The following TMEM131L variants were observed in gnomAD, a reference collection of about 807,000 sequenced individuals.
The protein encoded by TMEM131L is transmembrane 131 like.
Under a neutral mutation model 192.2 loss-of-function variants are expected in TMEM131L, and 54 were observed. The ratio of observed to expected loss-of-function variants is 0.28; its 90% CI spans 0.23 to 0.35. TMEM131L has a LOEUF of 0.35. Ranked by LOEUF, TMEM131L falls within the 10% of genes least tolerant of loss-of-function variation. The probability of loss-of-function intolerance (pLI) is 1.00; values close to 1 mark genes in which losing one functional copy is unlikely to be tolerated. For synonymous variants in TMEM131L, 701 were observed against 704.9 expected, an observed-to-expected ratio of 0.99 and a Z score of 0.09; for missense variants, 1,888 against 1,972.9, an observed-to-expected ratio of 0.96 and a Z score of 0.82.
chr4:153,485,278 C>G (rs1732249243), intron 3 of TMEM131L, among the ~76,000 whole-genome samples: 1 of 152,110 alleles, frequency 6.6e-6, no homozygotes, highest in Non-Finnish European at 1.5e-5. Context: ...CTCTAACATA[C>G]ATGTACACAT....
At chr4:153,543,810 A>G (rs1188430300) in intron 3 of TMEM131L, among the ~76,000 whole-genome samples, 2 of 152,222 alleles carry the variant, frequency 1.3e-5, no homozygotes, top group Non-Finnish European at 2.9e-5. Context: ...GATTTCTGCC[A>G]TTATGGAGTC....
rs185795762 is a variant in TMEM131L, at chr4:153,500,774, A to G, written c.239+26886A>G. On this transcript the variant is annotated intron_variant, in intron 3 of 34. Transcript: ENST00000409959. The stretch of plus-strand genomic sequence containing the variant: ...GGATGATTTAGAACTATCTTAGCCT[A>G]TTGAGACCAAAGAAACACACACGCT... Among the ~76,000 whole-genome samples, 136 of 152,310 alleles carry G rather than the reference A, an allele frequency of 8.9e-4. 1 individual carries two copies. In the Middle Eastern group the frequency reaches 0.01, roughly 12 times the overall value.
intron 3 of TMEM131L, among the ~76,000 whole-genome samples, chr4:153,484,114 G>C (rs1732139221): frequency 1.3e-5 from 2 of 152,146 alleles, no homozygotes; most frequent in Admixed American, 1.3e-4. Flanking sequence ...GGGGTCTCCT[G>C]GGAGCTTGTT....
chr4:153,581,381 T>C (rs752034549), intron 8 of TMEM131L, 26 bp from the exon 9 acceptor site: 26 of 1,489,654 alleles, frequency 1.7e-5, no homozygotes, highest in Non-Finnish European at 2.2e-5. Context: ...TTTTTTTTCC[T>C]TTTTTCCTCC....
intron 21 of TMEM131L, among the ~76,000 whole-genome samples, chr4:153,600,844 C>T (rs1485589788): frequency 6.6e-6 from 1 of 152,228 alleles, no homozygotes; most frequent in African/African-American, 2.4e-5. Flanking sequence ...GGCATGGTGG[C>T]TTATGCCTAT....
intron 3 of TMEM131L, among the ~76,000 whole-genome samples, chr4:153,501,189 A>G (rs1733578802): frequency 2.0e-5 from 3 of 150,278 alleles, no homozygotes; most frequent in Admixed American, 1.3e-4. Flanking sequence ...CCCACCTCAC[A>G]GGGGTTTTGC....
chr4:153,599,218 T>C (rs1273685999), intron 21 of TMEM131L, among the ~76,000 whole-genome samples: 1 of 152,096 alleles, frequency 6.6e-6, no homozygotes, highest in African/African-American at 2.4e-5. Context: ...GGGGAGAAGG[T>C]GTCACACACT....
Position 153,593,779 on chromosome 4 carries a change from A to G in TMEM131L, c.1923-20A>G, listed in dbSNP as rs774252333. 1.3e-6 allele frequency: 2 copies of G among 1,560,458 alleles called. No individual in the cohort carries two copies. Among genetic ancestry groups the G allele is most frequent in the Admixed American group, 1.7e-5 (1 of 59,922 alleles). ...GGCAGATGTGAGTGCTGTTTTAAAC[A>G]TTTGCTTTTTTCCTTATAGGTTTGG... On this transcript the variant is annotated intron_variant, in intron 18 of 34. Coordinates refer to ENST00000409959, the MANE Select transcript of TMEM131L (RefSeq NM_001131007.2).
intron 3 of TMEM131L, among the ~76,000 whole-genome samples, chr4:153,487,928 C>T (rs1381669591): frequency 2.1e-5 from 3 of 141,366 alleles, no homozygotes; most frequent in Non-Finnish European, 4.6e-5. Flanking sequence ...TTTGTGAGTG[C>T]GAGAGAGCAG....
At chr4:153,477,202 A>G (rs546756564) in intron 3 of TMEM131L, among the ~76,000 whole-genome samples, 1 of 152,292 alleles carries the variant, frequency 6.6e-6, no homozygotes, top group South Asian at 2.1e-4. Context: ...GATGGTGATG[A>G]CTGTGCTGGG....
At chr4:153,611,762 A>G (rs1732631276) in intron 25 of TMEM131L, among the ~76,000 whole-genome samples, 1 of 152,224 alleles carries the variant, frequency 6.6e-6, no homozygotes, top group African/African-American at 2.4e-5. Flanking sequence ...TTCACTTAGC[A>G]TGATGTCTTC....
At position 153,627,630 on chromosome 4, in the gene TMEM131L, G is replaced by C; in HGVS notation, c.4150G>C (p.Ala1384Pro). 6.2e-7 allele frequency: 1 copy of C among 1,613,980 alleles called. No homozygotes were observed. The highest frequency in any genetic ancestry group is 8.5e-7 in the Non-Finnish European group (1 of 1,179,904). Residue 1384 changes from alanine to proline, a missense_variant, in exon 31 of 35, where the codon GCA (alanine) becomes CCA (proline). Physicochemically the swap from Ala to Pro is conservative, Grantham distance 27. Transcript: ENST00000409959. ...GACCGTGAATAGTCTCCCACAATAC[G>C]CAGAGCCTTCCTGTCCCAGCCTTCC... is the stretch of plus-strand genomic sequence containing the variant. Reference protein sequence around the residue: ...PMTVNSLPQYAEPSCPSLPAG... With the variant: ...PMTVNSLPQYPEPSCPSLPAG...
In TMEM131L at chr4:153,591,134, T is replaced by G; in HGVS notation, c.1752T>G (p.Arg584=). ...AGTCCTTTGTTTTCTTTTTGCCTCG[T>G]TTGATCGCAGAGCCTGGCCTCATGT... ...ESESFVFFLP[R]LIAEPGLMLN... is the part of the protein sequence containing the mutation. The change falls in exon 17 of 35, where the codon CGT becomes CGG. Residue 584 remains arginine (R), a synonymous_variant. Transcript: ENST00000409959. The G allele has an allele frequency of 6.2e-7, 1 of 1,611,914 alleles. No homozygotes were observed. Among genetic ancestry groups the G allele is most frequent in the Non-Finnish European group, 8.5e-7 (1 of 1,178,650 alleles).
At chr4:153,544,508 C>T (rs956487584) in intron 3 of TMEM131L, among the ~76,000 whole-genome samples, 7 of 152,306 alleles carry the variant, frequency 4.6e-5, no homozygotes, top group African/African-American at 1.7e-4. Flanking sequence ...GCCCTCTTCC[C>T]TTACCCCTCA....
In TMEM131L at chr4:153,528,944, T is replaced by A. The variant is rs6535921; in HGVS notation, c.240-21129T>A. On this transcript the variant is annotated intron_variant, in intron 3 of 34. Coordinates refer to ENST00000409959, the MANE Select transcript of TMEM131L (RefSeq NM_001131007.2). ...TTGGCACCCTTTCGGTAGGGTAAGT[T>A]TCTGTGGGTCTGGCCTCCGAGAGTT... Among the ~76,000 whole-genome samples the A allele has an allele frequency of 1.9e-3, 294 of 152,078 alleles. 2 individuals carry two copies. The highest frequency in any genetic ancestry group is 6.6e-3 in the African/African-American group (273 of 41,506).
intron 2 of TMEM131L, among the ~76,000 whole-genome samples, chr4:153,470,719 T>G (rs1182479831): frequency 6.6e-6 from 1 of 152,190 alleles, no homozygotes; most frequent in Non-Finnish European, 1.5e-5. Context: ...GCCTTCAAAG[T>G]CAGAAACTGC....
intron 3 of TMEM131L, among the ~76,000 whole-genome samples, chr4:153,495,424 GCTTTTATA>G (rs1733108039): frequency 6.6e-6 from 1 of 152,152 alleles, no homozygotes; most frequent in South Asian, 2.1e-4. Context: ...GATACAGCTT[GCTTTTATA>G]TATTTTAGGG....
At chr4:153,497,170 C>T (rs758624003) in intron 3 of TMEM131L, among the ~76,000 whole-genome samples, 1 of 152,088 alleles carries the variant, frequency 6.6e-6, no homozygotes, top group African/African-American at 2.4e-5. Flanking sequence ...CCAAGATTTT[C>T]GAAGGGAATG....
chr4:153,557,040 CT>C lies in TMEM131L; in HGVS notation c.509del (p.Leu170TyrfsTer76). ...CTGAAGAAGGAAGCATTGAAAGTTC[CT>C]TATTTATTAATACCTCTTCGTATGG... ...PTEEGSIESS[L>X]FINTSSYGVL... is the part of the protein sequence containing the mutation. On this transcript the variant is annotated frameshift_variant, in exon 6 of 35. Coordinates refer to ENST00000409959, the MANE Select transcript of TMEM131L (RefSeq NM_001131007.2). LOFTEE classifies it high-confidence loss of function. 1 of 1,584,044 alleles carries C rather than the reference CT, an allele frequency of 6.3e-7. No homozygotes were observed. Among genetic ancestry groups the C allele is most frequent in the South Asian group, 1.1e-5 (1 of 89,694 alleles).
Sources: gnomAD v4.1 joint callset for allele counts (sites outside exome capture counted in the v4.1 genomes callset) on GRCh38, gnomAD v4.1.1 for gene constraint, MANE v1.5 for transcripts, NCBI Gene and HGNC (gene_info 2026-07-23, HGNC 2026-07-21) for gene names.